Variants in ATG16L1 observed in about 807,000 individuals in gnomAD.
ATG16L1 encodes the protein autophagy-related protein 16-1.
Under a neutral mutation model 88.5 loss-of-function variants are expected in ATG16L1, and 37 were observed. The ratio of observed to expected loss-of-function variants is 0.42; its 90% CI spans 0.32 to 0.55. The LOEUF (loss-of-function observed/expected upper bound fraction) is 0.55. ATG16L1 is among the 20% of genes least tolerant of loss of function. The probability of loss-of-function intolerance (pLI) is 0.13; values close to 1 mark genes in which losing one functional copy is unlikely to be tolerated. For synonymous variants in ATG16L1, 301 were observed against 281.0 expected (o/e 1.07, Z -0.71); for missense variants, 554 against 752.8 (o/e 0.74, Z 3.09).
In ATG16L1 at chr2:233,262,170, T is replaced by C. The variant is rs369404256; in HGVS notation, c.210-960T>C. On this transcript the variant is annotated intron_variant, in intron 2 of 17. Coordinates refer to ENST00000392017, the MANE Select transcript of ATG16L1 (RefSeq NM_030803.7). ...GACTCCTATCTGTCTTCATGCCCCA[T>C]AGCCAATTCAAAGTCAAGTCCTGTT... 9.8e-5 allele frequency among the ~76,000 whole-genome samples: 15 copies of C among 152,302 alleles called. No individual in the cohort carries two copies. In the East Asian group the frequency reaches 2.7e-3, roughly 27 times the overall value.
chr2:233,293,208 T>G, intron 16 of ATG16L1, 48 bp from the exon 17 acceptor site: 4 of 1,496,768 alleles, frequency 2.7e-6, no homozygotes, highest in Non-Finnish European at 2.8e-6. Context: ...AGATGCTGAA[T>G]TGGGGGTGGG....
chr2:233,258,026 T>A (rs199664352), intron 2 of ATG16L1, among the ~76,000 whole-genome samples: 1,615 of 56,318 alleles, frequency 0.029, 48 homozygotes, highest in South Asian at 0.061. Context: ...AATATCTATA[T>A]ATCTATATAT....
At chr2:233,252,811 A>G (rs1339127135) in intron 1 of ATG16L1, among the ~76,000 whole-genome samples, 1 of 152,214 alleles carries the variant, frequency 6.6e-6, no homozygotes, top group East Asian at 1.9e-4. Context: ...GGGTACAAAA[A>G]TGTTTGTACC....
chr2:233,267,205 C>T (rs1177978518), intron 5 of ATG16L1, among the ~76,000 whole-genome samples: 1 of 152,000 alleles, frequency 6.6e-6, no homozygotes, highest in African/African-American at 2.4e-5. Context: ...GAAAATTAGC[C>T]GGGTGTGGTA....
chr2:233,274,331 C>T, intron 8 of ATG16L1: 2 of 472,668 alleles, frequency 4.2e-6, no homozygotes, highest in Admixed American at 3.7e-5. Context: ...GCAAAAAAGA[C>T]CAAAGAGCTA....
At chr2:233,269,295 A>G (rs908241073) in intron 5 of ATG16L1, among the ~76,000 whole-genome samples, 1 of 152,204 alleles carries the variant, frequency 6.6e-6, no homozygotes, top group African/African-American at 2.4e-5. Context: ...AAAGTCTGTA[A>G]AGTAATTAAC....
chr2:233,264,092 G>C, intron 4 of ATG16L1, 27 bp downstream of exon 4: 3 of 1,612,510 alleles, frequency 1.9e-6, no homozygotes, highest in Non-Finnish European at 2.5e-6. Context: ...CCTCCTTGGA[G>C]CCTGGTCATT....
rs910001383 is a variant in ATG16L1 at position 233,295,669 on chromosome 2, A to G, written c.*1319A>G. ...AAGAAATCTGTTATATACTTTTCAAACTCCATGCCTCTTGGTGATTATTTT... is the reference window on the plus strand; with the variant it reads ...AAGAAATCTGTTATATACTTTTCAAGCTCCATGCCTCTTGGTGATTATTTT... On this transcript the variant is annotated 3_prime_UTR_variant, in exon 18 of 18. Coordinates refer to ENST00000392017, the MANE Select transcript of ATG16L1 (RefSeq NM_030803.7). 1 of 152,678 alleles carries G rather than the reference A, an allele frequency of 6.5e-6. No homozygotes were observed. Among genetic ancestry groups the G allele is most frequent in the South Asian group, 2.1e-4 (1 of 4,810 alleles). 9.5% of individuals were successfully genotyped at this position (152,678 alleles called of 1,614,324 possible).
At chr2:233,254,858 A>G (rs1213081598) in intron 1 of ATG16L1, among the ~76,000 whole-genome samples, 1 of 152,296 alleles carries the variant, frequency 6.6e-6, no homozygotes, top group Non-Finnish European at 1.5e-5. Context: ...AGGAATAGTC[A>G]CTAGCATAAA....
intron 7 of ATG16L1, chr2:233,273,443 G>A: frequency 3.9e-6 from 2 of 518,404 alleles, no homozygotes; most frequent in South Asian, 5.8e-5. Context: ...AAGTTAGTTA[G>A]CCAGGAATTG....
At position 233,289,992 on chromosome 2, in the gene ATG16L1, C is replaced by T. The variant is rs768836032; in HGVS notation, c.1324+18C>T. ...CAAAGTCTGTGAGGAAATTCAGTCT[C>T]TCTGTCTGTGTATATGCTTAGATGT... On this transcript the variant is annotated intron_variant, in intron 13 of 17. Transcript: ENST00000392017. 6.2e-6 allele frequency: 10 copies of T among 1,612,986 alleles called. No homozygotes were observed. Among genetic ancestry groups the T allele is most frequent in the East Asian group, 2.2e-5 (1 of 44,842 alleles).
chr2:233,261,407 G>A (rs964637498), intron 2 of ATG16L1, among the ~76,000 whole-genome samples: 2 of 152,156 alleles, frequency 1.3e-5, no homozygotes, highest in African/African-American at 4.8e-5. Context: ...AGGTGGGGGA[G>A]ATTTGATAAT....
chr2:233,290,252 A>G lies in ATG16L1; in HGVS notation c.1329A>G (p.Ile443Met). The G allele has an allele frequency of 6.2e-7, 1 of 1,614,146 alleles. No individual in the cohort carries two copies. The highest frequency in any genetic ancestry group is 8.5e-7 in the Non-Finnish European group (1 of 1,179,966). Residue 443 changes from isoleucine to methionine, a missense_variant, in exon 14 of 18, where the codon ATA (isoleucine) becomes ATG (methionine). Ile to Met is a conservative substitution (Grantham distance 10). Coordinates refer to ENST00000392017, the MANE Select transcript of ATG16L1 (RefSeq NM_030803.7). The part of the protein sequence containing the change: ...KLWDLRSKVC[I>M]KTVFAGSSCN... ...TGATGTTTGCATTTCTTTCAGGCAT[A>G]AAGACAGTGTTTGCAGGATCCAGTT...
chr2:233,284,096 G>A (rs1355192042), intron 12 of ATG16L1, among the ~76,000 whole-genome samples: 3 of 150,406 alleles, frequency 2.0e-5, no homozygotes, highest in African/African-American at 4.9e-5. Context: ...CACCCACCTC[G>A]GCCTCCCAAA....
intron 2 of ATG16L1, among the ~76,000 whole-genome samples, chr2:233,259,464 C>G: frequency 6.6e-6 from 1 of 152,042 alleles, no homozygotes; most frequent in East Asian, 1.9e-4. Flanking sequence ...ACTTTAAGCA[C>G]CAGTTATTGT....
rs1699698403 is a variant in ATG16L1 at position 233,294,763 on chromosome 2, T to C, written c.*413T>C. Reference sequence around the variant, plus strand: ...CCAAAGTCGGTTCTGGCCTAACGCATGTCCCAACACCTTGGGTTCATTTGC... The same window carrying C: ...CCAAAGTCGGTTCTGGCCTAACGCACGTCCCAACACCTTGGGTTCATTTGC... On this transcript the variant is annotated 3_prime_UTR_variant, in exon 18 of 18. Transcript: ENST00000392017. 6.3e-6 allele frequency: 1 copy of C among 158,226 alleles called. No homozygotes were observed. The highest frequency in any genetic ancestry group is 2.4e-5 in the African/African-American group (1 of 41,606). The allele number at this position is 158,226 out of a possible 1,614,324, so 9.8% of individuals were successfully genotyped here.
At chr2:233,273,171 C>A in intron 7 of ATG16L1, 119 bp downstream of exon 7, 1 of 766,874 alleles carries the variant, frequency 1.3e-6, no homozygotes, top group Non-Finnish European at 2.2e-6. Flanking sequence ...TTTTCTGGGA[C>A]ACCCAGCGTC....
intron 4 of ATG16L1, 91 bp downstream of exon 4, chr2:233,264,156 G>C (rs999935525): frequency 7.8e-6 from 10 of 1,275,618 alleles, no homozygotes; most frequent in East Asian, 4.7e-5. Flanking sequence ...CAGTGGCAGT[G>C]AGTGGCCACA....
chr2:233,274,918 G>A (rs111551898), intron 9 of ATG16L1, 140 bp downstream of exon 9: 5 of 577,358 alleles, frequency 8.7e-6, no homozygotes, highest in African/African-American at 5.7e-5. Context: ...GGCTCTGTCA[G>A]CTGTGAGAAA....
Sources: gnomAD v4.1 joint callset for allele counts (sites outside exome capture counted in the v4.1 genomes callset) on GRCh38, gnomAD v4.1.1 for gene constraint, MANE v1.5 for transcripts, NCBI Gene and HGNC (gene_info 2026-07-23, HGNC 2026-07-21) for gene names.